FILIP1L: variants seen among roughly 807,000 people sequenced by gnomAD.
The protein encoded by FILIP1L is filamin A-interacting protein 1-like.
A neutral mutation model predicts 96.6 loss-of-function variants in FILIP1L; 55 were observed. The ratio of observed to expected loss-of-function variants is 0.57; its 90% CI spans 0.46 to 0.71. FILIP1L has a LOEUF of 0.71. Among genes scored for constraint, FILIP1L ranks in the 30% least tolerant of loss-of-function variants. FILIP1L has a pLI of 0.00. For missense variants in FILIP1L, 1,304 were observed against 1,321.2 expected (o/e 0.99, Z 0.20); for synonymous variants, 467 against 473.9 (o/e 0.99, Z 0.19).
At chr3:100,109,493 C>T (rs1052625827) in intron 1 of FILIP1L, among the ~76,000 whole-genome samples, 1 of 152,148 alleles carries the variant, frequency 6.6e-6, no homozygotes, top group Non-Finnish European at 1.5e-5. Context: ...CTCCCCTCAG[C>T]GTCAGCTGTT....
chr3:99,885,695 T>A lies in FILIP1L; in HGVS notation c.606-34625A>T, dbSNP rs185974623. Among the ~76,000 whole-genome samples, 472 of 152,348 alleles carry A rather than the reference T, an allele frequency of 3.1e-3. 4 individuals are homozygous for A. Among genetic ancestry groups the A allele is most frequent in the African/African-American group, 0.011 (446 of 41,590 alleles). On this transcript the variant is annotated intron_variant, in intron 4 of 5. Transcript: ENST00000477258. The stretch of plus-strand genomic sequence containing the variant: ...TATATCTCTGTCATCTATTTGTGGC[T>A]ACTATGTGTTGAAACTTTGTGGAAC...
At chr3:99,910,762 G>T (rs1218301739) in intron 4 of FILIP1L, among the ~76,000 whole-genome samples, 1 of 83,494 alleles carries the variant, frequency 1.2e-5, no homozygotes, top group Non-Finnish European at 3.2e-5. Flanking sequence ...CCTCATGCAA[G>T]AAAGTAGATA....
chr3:100,051,876 T>C (rs2065380140), intron 1 of FILIP1L, among the ~76,000 whole-genome samples: 1 of 148,588 alleles, frequency 6.7e-6, no homozygotes, highest in South Asian at 2.1e-4. Context: ...TAATTTAATG[T>C]AATATATTTT....
chr3:100,023,197 C>T (rs2064856871), intron 1 of FILIP1L: 1 of 151,810 alleles, frequency 6.6e-6, no homozygotes, highest in Non-Finnish European at 1.5e-5. Context: ...TTGTGTGTAT[C>T]CCCAATGCAG....
chr3:99,988,145 T>C (rs141938181), intron 1 of FILIP1L, among the ~76,000 whole-genome samples: 1 of 152,224 alleles, frequency 6.6e-6, no homozygotes, highest in African/African-American at 2.4e-5. Context: ...GAACAAAAGC[T>C]AAAAGAATTG....
intron 1 of FILIP1L, among the ~76,000 whole-genome samples, chr3:99,991,980 A>ATG (rs1308709576): frequency 8.2e-5 from 12 of 147,028 alleles, no homozygotes; most frequent in Non-Finnish European, 1.4e-4. Context: ...ACACACATAT[A>ATG]TGTGTATATA....
rs1227573297 is a variant in FILIP1L at position 99,931,011 on chromosome 3, T to C, written c.10A>G (p.Arg4Gly). The C allele has an allele frequency of 6.2e-7, 1 of 1,613,620 alleles. No individual in the cohort carries two copies. Among genetic ancestry groups the C allele is most frequent in the South Asian group, 1.1e-5 (1 of 91,006 alleles). ...GCTGAGCCCTCGGTATCACTGCCTC[T>C]GGAACGCATTCTTTAAAGCCTGGAA... MRS[R>G]GSDTEGSAQK... Residue 4 changes from arginine (R) to glycine (G), a missense_variant, in exon 2 of 6, where the codon AGA becomes GGA. By Grantham distance (125) the Arg-to-Gly change is moderately radical. Transcript: ENST00000477258.
At chr3:99,872,329 G>GTGTGTGTGTGTGTGTGTGTGTGTGT (rs1576535518) in intron 4 of FILIP1L, among the ~76,000 whole-genome samples, 1 of 150,460 alleles carries the variant, frequency 6.6e-6, no homozygotes, top group Non-Finnish European at 1.5e-5. Context: ...GTGTGACTGT[G>GTGTGTGTGTGTGTGTGTGTGTGTGT]GGGCCTGGGG....
At chr3:99,995,133 G>C (rs893991690) in intron 1 of FILIP1L, among the ~76,000 whole-genome samples, 3 of 152,108 alleles carry the variant, frequency 2.0e-5, no homozygotes, top group Non-Finnish European at 4.4e-5. Flanking sequence ...TTCCACCTAT[G>C]AGCCAGTAAA....
chr3:99,943,219 A>C (rs1373286276), intron 1 of FILIP1L, among the ~76,000 whole-genome samples: 1 of 152,190 alleles, frequency 6.6e-6, no homozygotes, highest in East Asian at 1.9e-4. Flanking sequence ...CAAAAGAACC[A>C]ATTATGACAT....
intron 1 of FILIP1L, among the ~76,000 whole-genome samples, chr3:100,084,465 CAAAG>C (rs2065976848): frequency 6.6e-6 from 1 of 151,790 alleles, no homozygotes; most frequent in South Asian, 2.1e-4. Flanking sequence ...TAGAAAAACT[CAAAG>C]AAAATGAATA....
chr3:99,908,776 T>C (rs1171576655), intron 4 of FILIP1L, among the ~76,000 whole-genome samples: 1 of 152,220 alleles, frequency 6.6e-6, no homozygotes, highest in African/African-American at 2.4e-5. Context: ...ATTGTTATTA[T>C]CACTAATTAT....
At chr3:100,058,651 C>T (rs1371408389) in intron 1 of FILIP1L, among the ~76,000 whole-genome samples, 1 of 152,194 alleles carries the variant, frequency 6.6e-6, no homozygotes, top group African/African-American at 2.4e-5. Context: ...AAGCACCTCA[C>T]CACAAACTGA....
chr3:99,965,188 G>A (rs1322058587), intron 1 of FILIP1L, among the ~76,000 whole-genome samples: 2 of 152,228 alleles, frequency 1.3e-5, no homozygotes, highest in Non-Finnish European at 2.9e-5. Context: ...TGTGAGATGA[G>A]GGATATGTGC....
intron 1 of FILIP1L, among the ~76,000 whole-genome samples, chr3:99,957,502 G>A (rs1299971164): frequency 6.6e-6 from 1 of 151,934 alleles, no homozygotes; most frequent in Non-Finnish European, 1.5e-5. Flanking sequence ...AGGTTTCTGT[G>A]TGGTAATATC....
intron 1 of FILIP1L, among the ~76,000 whole-genome samples, chr3:100,071,323 G>A (rs1176510178): frequency 6.6e-6 from 1 of 152,036 alleles, no homozygotes; most frequent in Non-Finnish European, 1.5e-5. Flanking sequence ...AGACAGTAAG[G>A]GACAGGGACT....
chr3:99,864,029 C>G (rs995609970), intron 4 of FILIP1L, among the ~76,000 whole-genome samples: 2 of 152,082 alleles, frequency 1.3e-5, no homozygotes, highest in Admixed American at 6.6e-5. Context: ...CAACTTCATG[C>G]TAAAGAAATT....
In FILIP1L at chr3:99,830,370, A is replaced by G. The variant is rs1942630017; in HGVS notation, c.*44T>C. The G allele has an allele frequency of 5.4e-6, 2 of 370,526 alleles. No individual in the cohort carries two copies. The highest frequency in any genetic ancestry group is 3.2e-5 in the Admixed American group (1 of 31,186). 23.0% of individuals were successfully genotyped at this position (370,526 alleles called of 1,614,324 possible). ...CATAGTGGTAATTTTAGCTTTCCAC[A>G]TATTTCTGTAGATGAATGTATCCAG... On this transcript the variant is annotated 3_prime_UTR_variant, in exon 6 of 6. Coordinates refer to ENST00000477258, the MANE Select transcript of FILIP1L (RefSeq NM_001387850.1).
In FILIP1L at chr3:100,078,970, A is replaced by G. The variant is rs144587909; in HGVS notation, c.-11+35083T>C. ...ACTAATTTGTGTTGGGCCACATTCAAAGCTGTCCTGGGCCACATGTGGCCC... is the reference window on the plus strand; with the variant it reads ...ACTAATTTGTGTTGGGCCACATTCAGAGCTGTCCTGGGCCACATGTGGCCC... On this transcript the variant is annotated intron_variant, in intron 1 of 5. Coordinates refer to ENST00000477258, the MANE Select transcript of FILIP1L (RefSeq NM_001387850.1). Among the ~76,000 whole-genome samples, 373 of 152,284 alleles carry G rather than the reference A, an allele frequency of 2.4e-3. 1 individual carries two copies. The highest frequency in any genetic ancestry group is 8.4e-3 in the African/African-American group (348 of 41,550).
Sources: gnomAD v4.1 joint callset for allele counts (sites outside exome capture counted in the v4.1 genomes callset) on GRCh38, gnomAD v4.1.1 for gene constraint, MANE v1.5 for transcripts, NCBI Gene and HGNC (gene_info 2026-07-23, HGNC 2026-07-21) for gene names.